The following RREB1 variants were observed in gnomAD, a reference collection of about 807,000 sequenced individuals.
The protein encoded by RREB1 is ras-responsive element-binding protein 1.
RREB1 carries 27 observed loss-of-function variants against 117.8 expected under a neutral mutation model. That is an observed-to-expected ratio of 0.23 (90% CI 0.17 to 0.32). The LOEUF (loss-of-function observed/expected upper bound fraction) is 0.32. RREB1 is among the 10% of genes least tolerant of loss of function. The probability of loss-of-function intolerance (pLI) is 1.00; values close to 1 mark genes in which losing one functional copy is unlikely to be tolerated. For synonymous variants in RREB1, 1,298 were observed against 1,026.7 expected (o/e 1.26, Z -5.05); for missense variants, 2,577 against 2,378.2 (o/e 1.08, Z -1.74).
intron 6 of RREB1, among the ~76,000 whole-genome samples, chr6:7,196,219 T>A (rs1184649406): frequency 3.4e-4 from 9 of 26,816 alleles, no homozygotes; most frequent in Non-Finnish European, 6.4e-4. Flanking sequence ...TTTTTTTTCG[T>A]TTTTTTTTTT....
chr6:7,237,975 G>T (rs765570530), intron 10 of RREB1, among the ~76,000 whole-genome samples: 4 of 152,186 alleles, frequency 2.6e-5, no homozygotes, highest in Non-Finnish European at 5.9e-5. Flanking sequence ...CTGTAAAGGT[G>T]ACGCACTTAC....
Position 7,249,635 on chromosome 6 carries a change from A to G in RREB1, c.*667A>G, listed in dbSNP as rs1769323562. Reference sequence around the variant, plus strand: ...AGATTCTAGCTTCAGCCTCATGTCCATTTCCAGTCTGTCAGCATTAGACAT... The same window carrying G: ...AGATTCTAGCTTCAGCCTCATGTCCGTTTCCAGTCTGTCAGCATTAGACAT... On this transcript the variant is annotated 3_prime_UTR_variant, in exon 13 of 13. Coordinates refer to ENST00000379938, the MANE Select transcript of RREB1 (RefSeq NM_001003699.4). 6.6e-6 allele frequency: 1 copy of G among 152,146 alleles called. No homozygotes were observed. Among genetic ancestry groups the G allele is most frequent in the African/African-American group, 2.4e-5 (1 of 41,416 alleles). 9.4% of individuals were successfully genotyped at this position (152,146 alleles called of 1,614,324 possible). A position where few individuals can be genotyped will look rare whatever the true frequency, so the allele number is the denominator to read the frequency against.
chr6:7,205,950 C>T (rs1024543585), intron 6 of RREB1, among the ~76,000 whole-genome samples: 4 of 152,102 alleles, frequency 2.6e-5, no homozygotes, highest in African/African-American at 9.7e-5. Flanking sequence ...GTTTTTTCCA[C>T]GTTTAAAAAA....
chr6:7,248,573 C>T lies in RREB1; in HGVS notation c.4834C>T (p.Arg1612Cys). 4 of 1,614,254 alleles carry T rather than the reference C, an allele frequency of 2.5e-6. No individual in the cohort carries two copies. Among genetic ancestry groups the T allele is most frequent in the Non-Finnish European group, 3.4e-6 (4 of 1,180,048 alleles). Residue 1612 changes from arginine (R) to cysteine (C), a missense_variant, in exon 13 of 13, where the codon CGC becomes TGC. Arg to Cys is a radical substitution (Grantham distance 180). Coordinates refer to ENST00000379938, the MANE Select transcript of RREB1 (RefSeq NM_001003699.4). The part of the protein sequence containing the change: ...RTFTLKHSLV[R>C]HQRIHQKARH... ...CTTCACCTTGAAGCACAGCCTGGTT[C>T]GCCACCAGCGGATCCACCAGAAAGC...
At position 7,250,944 on chromosome 6, in the gene RREB1, A is replaced by G. The variant is rs778919876; in HGVS notation, c.*1976A>G. ...TCCCTTGGCCTACTTAGTTAAAACC[A>G]GTTCATACATCCCTTAGGGTTTTTA... is the stretch of plus-strand genomic sequence containing the variant. On this transcript the variant is annotated 3_prime_UTR_variant, in exon 13 of 13. Transcript: ENST00000379938. 2 of 152,184 alleles carry G rather than the reference A, an allele frequency of 1.3e-5. No homozygotes were observed. Among genetic ancestry groups the G allele is most frequent in the African/African-American group, 4.8e-5 (2 of 41,432 alleles). 9.4% of individuals were successfully genotyped at this position (152,184 alleles called of 1,614,324 possible). A position where few individuals can be genotyped will look rare whatever the true frequency, so the allele number is the denominator to read the frequency against.
At chr6:7,138,553 AGTG>A (rs1464003054) in intron 1 of RREB1, among the ~76,000 whole-genome samples, 2 of 152,190 alleles carry the variant, frequency 1.3e-5, no homozygotes, top group Non-Finnish European at 2.9e-5. Flanking sequence ...CCAAGGTCAA[AGTG>A]GTGGTTGTTA....
intron 1 of RREB1, among the ~76,000 whole-genome samples, chr6:7,119,707 T>C (rs746435021): frequency 5.3e-5 from 8 of 152,152 alleles, no homozygotes; most frequent in Non-Finnish European, 1.2e-4. Context: ...TCTGGGAAGC[T>C]ACGAAAAGTG....
chr6:7,109,276 A>C (rs1277002978), intron 1 of RREB1, among the ~76,000 whole-genome samples: 1 of 147,882 alleles, frequency 6.8e-6, no homozygotes, highest in Non-Finnish European at 1.5e-5. Flanking sequence ...AACTTCCCGC[A>C]CAAGCCTTGG....
chr6:7,125,007 C>T (rs1387112528), intron 1 of RREB1, among the ~76,000 whole-genome samples: 1 of 152,202 alleles, frequency 6.6e-6, no homozygotes, highest in Non-Finnish European at 1.5e-5. Flanking sequence ...TTGTGAGGCA[C>T]ATCGAGGGGA....
At chr6:7,141,351 C>G (rs931612179) in intron 1 of RREB1, among the ~76,000 whole-genome samples, 2 of 152,218 alleles carry the variant, frequency 1.3e-5, no homozygotes, top group Admixed American at 1.3e-4. Context: ...CCGCTGGGGA[C>G]ACAACCTAAT....
chr6:7,218,851 T>C (rs1248447648), intron 8 of RREB1: 1 of 142,056 alleles, frequency 7.0e-6, no homozygotes, highest in Non-Finnish European at 1.5e-5. Context: ...AAAAAAAGGA[T>C]ATCCTGTCTT....
chr6:7,130,759 A>G (rs1762120785), intron 1 of RREB1, among the ~76,000 whole-genome samples: 1 of 150,378 alleles, frequency 6.6e-6, no homozygotes, highest in Non-Finnish European at 1.5e-5. Flanking sequence ...TGGGCTTATA[A>G]GCACCTGCCA....
chr6:7,214,684 TA>T (rs1766803434), intron 8 of RREB1: 1 of 152,182 alleles, frequency 6.6e-6, no homozygotes, highest in African/African-American at 2.4e-5. Flanking sequence ...AGAACTAAAA[TA>T]GACACCAGCT....
chr6:7,160,376 T>C (rs1411637988), intron 1 of RREB1, among the ~76,000 whole-genome samples: 1 of 152,252 alleles, frequency 6.6e-6, no homozygotes, highest in Non-Finnish European at 1.5e-5. Context: ...AAAAAAGCAC[T>C]GTATTCTCAT....
At chr6:7,122,309 A>G (rs1414365196) in intron 1 of RREB1, among the ~76,000 whole-genome samples, 1 of 152,098 alleles carries the variant, frequency 6.6e-6, no homozygotes, top group Admixed American at 6.6e-5. Flanking sequence ...TGTGTCACCC[A>G]TACTGGAGTC....
At chr6:7,160,210 A>T (rs78647687) in intron 1 of RREB1, among the ~76,000 whole-genome samples, 6,153 of 152,032 alleles carry the variant, frequency 0.04, 150 homozygotes, top group Non-Finnish European at 0.051. Flanking sequence ...TACCAAGCCC[A>T]GCAAATTAAA....
At chr6:7,241,098 G>GGT (rs1027962247) in intron 11 of RREB1, among the ~76,000 whole-genome samples, 40 of 152,006 alleles carry the variant, frequency 2.6e-4, no homozygotes, top group African/African-American at 9.0e-4. Context: ...CTCTCTTCCC[G>GGT]GTGTAAGACT....
chr6:7,207,772 A>T (rs1379896908), intron 6 of RREB1, among the ~76,000 whole-genome samples: 1 of 152,200 alleles, frequency 6.6e-6, no homozygotes, highest in Admixed American at 6.5e-5. Context: ...TGAAAAGAGA[A>T]CGCATTACAG....
chr6:7,138,814 T>C (rs1024337078), intron 1 of RREB1, among the ~76,000 whole-genome samples: 39 of 152,238 alleles, frequency 2.6e-4, no homozygotes, highest in African/African-American at 9.2e-4. Flanking sequence ...TTTTTAAAAG[T>C]AACTTGTTCC....
Sources: allele counts gnomAD v4.1 joint callset (sites outside exome capture counted in the v4.1 genomes callset), GRCh38; gene constraint gnomAD v4.1.1; transcripts MANE v1.5; gene names NCBI Gene and HGNC (gene_info 2026-07-23, HGNC 2026-07-21).